FGF13: variants seen among roughly 807,000 people sequenced by gnomAD.
The protein encoded by FGF13 is fibroblast growth factor 13.
In FGF13, 2 loss-of-function variants were observed where a neutral mutation model predicts 19.5. The ratio of observed to expected loss-of-function variants is 0.10; its 90% CI spans 0.04 to 0.32. FGF13 has a LOEUF of 0.32. Ranked by LOEUF, FGF13 falls within the 10% of genes least tolerant of loss-of-function variation. FGF13 has a pLI of 1.00. For synonymous variants in FGF13, 72 were observed against 76.9 expected, an observed-to-expected ratio of 0.94 and a Z score of 0.33; for missense variants, 113 against 192.7, an observed-to-expected ratio of 0.59 and a Z score of 2.45.
intron 1 of FGF13, among the ~76,000 whole-genome samples, chrX:139,031,747 A>T (rs6634041): frequency 9.2e-6 from 1 of 108,589 alleles, no homozygotes; most frequent in South Asian, 4.0e-4. Flanking sequence ...ATGCTCCAGA[A>T]GTTTGTATGG....
intron 1 of FGF13, among the ~76,000 whole-genome samples, chrX:139,052,451 G>A (rs2092305608): frequency 9.0e-6 from 1 of 111,586 alleles, no homozygotes; most frequent in Admixed American, 9.5e-5. Context: ...ATCTTTTTAA[G>A]ATGAGGAAAC....
At chrX:139,005,443 G>T (rs2092097173) in intron 1 of FGF13, among the ~76,000 whole-genome samples, 1 of 110,427 alleles carries the variant, frequency 9.1e-6, no homozygotes, top group South Asian at 3.9e-4. Flanking sequence ...TACCAGGAAA[G>T]GCTTCTCAAG....
chrX:138,981,817 C>G (rs987538444), intron 1 of FGF13, among the ~76,000 whole-genome samples: 3 of 111,441 alleles, frequency 2.7e-5, no homozygotes, highest in African/African-American at 3.3e-5. Flanking sequence ...ATTTCTCTCT[C>G]TCTCCCACAT....
chrX:138,803,358 C>T (rs1404160615), intron 3 of FGF13, among the ~76,000 whole-genome samples: 3 of 112,222 alleles, frequency 2.7e-5, no homozygotes, highest in African/African-American at 9.7e-5. Flanking sequence ...AAGATCCCTT[C>T]CATTAGCTAA....
chrX:138,975,464 T>G (rs4520317), intron 1 of FGF13, among the ~76,000 whole-genome samples: 36,113 of 110,718 alleles, frequency 0.33, 5,472 homozygotes, highest in Middle Eastern at 0.5. Flanking sequence ...GATGGACATT[T>G]GGAACATGTA....
intron 3 of FGF13, among the ~76,000 whole-genome samples, chrX:138,807,288 A>G (rs1013899080): frequency 8.9e-6 from 1 of 112,098 alleles, no homozygotes; most frequent in African/African-American, 3.2e-5. Context: ...ACTATGTGAA[A>G]CTCAAGACAA....
Position 138,795,191 on chromosome X carries a change from C to T in FGF13, c.217+62321G>A, listed in dbSNP as rs147629832. 9.7e-4 allele frequency among the ~76,000 whole-genome samples: 108 copies of T among 111,910 alleles called. 3 individuals carry two copies. The East Asian group carries it at 0.026, about 27-fold the overall frequency. ...GATTCCCAAGTGCCTCTAGCTAACA[C>T]TCTTAACTCTTTATTGACCAGCTAA... On this transcript the variant is annotated intron_variant, in intron 3 of 6. Coordinates refer to the FGF13 transcript ENST00000436198.
chrX:138,658,476 G>T (rs1192745595), intron 3 of FGF13, among the ~76,000 whole-genome samples: 2 of 112,237 alleles, frequency 1.8e-5, no homozygotes, highest in Non-Finnish European at 3.8e-5. Flanking sequence ...TTTAGGCTAG[G>T]TATATAAGTC....
chrX:138,873,043 G>A (rs772062451), intron 1 of FGF13, among the ~76,000 whole-genome samples: 18 of 111,753 alleles, frequency 1.6e-4, no homozygotes, highest in African/African-American at 5.2e-4. Flanking sequence ...GAAAAAGAAC[G>A]TTTTGAGGTT....
chrX:138,677,394 TA>T (rs2089680541), intron 3 of FGF13, among the ~76,000 whole-genome samples: 2 of 109,209 alleles, frequency 1.8e-5, no homozygotes. Context: ...ACAGGCAACC[TA>T]CAAAATGGGA....
Position 138,629,438 on chromosome X carries a change from C to G in FGF13, c.*3412G>C, listed in dbSNP as rs1305971688. 9.0e-6 allele frequency: 1 copy of G among 111,377 alleles called. No individual in the cohort carries two copies. The highest frequency in any genetic ancestry group is 1.9e-5 in the Non-Finnish European group (1 of 53,101). 9.2% of individuals were successfully genotyped at this position (111,377 alleles called of 1,213,427 possible). ...AATCCCAATGTGTTGAGGGAGGGAC[C>G]TGGTGGGAGGTGATTGGATCCTCGG... On this transcript the variant is annotated 3_prime_UTR_variant, in exon 5 of 5. Transcript: ENST00000315930.
chrX:138,914,632 TGGAC>T (rs2091608523), intron 1 of FGF13, among the ~76,000 whole-genome samples: 1 of 73,886 alleles, frequency 1.4e-5, no homozygotes, highest in Non-Finnish European at 2.5e-5. Context: ...AAGCTTGTGT[TGGAC>T]TTTTTTTTTT....
intron 3 of FGF13, among the ~76,000 whole-genome samples, chrX:138,817,108 A>G (rs950787635): frequency 8.9e-6 from 1 of 112,323 alleles, no homozygotes; most frequent in Non-Finnish European, 1.9e-5. Context: ...GAGAATTTCA[A>G]CTGTGTGGAT....
intron 3 of FGF13, among the ~76,000 whole-genome samples, chrX:138,808,022 G>A (rs1349636556): frequency 1.8e-5 from 2 of 111,399 alleles, no homozygotes; most frequent in South Asian, 3.8e-4. Context: ...GTCAACATTA[G>A]ACAGATCAAC....
chrX:139,031,391 G>A (rs1167281146), intron 1 of FGF13, among the ~76,000 whole-genome samples: 1 of 110,729 alleles, frequency 9.0e-6, no homozygotes, highest in Non-Finnish European at 1.9e-5. Flanking sequence ...TCCACACAAG[G>A]CAGATTGTAT....
chrX:138,942,853 TTTTG>T (rs1289872080), intron 1 of FGF13, among the ~76,000 whole-genome samples: 7 of 111,711 alleles, frequency 6.3e-5, no homozygotes, highest in African/African-American at 2.3e-4. Flanking sequence ...TTGTTGTTTT[TTTTG>T]TTTGTTTGTT....
chrX:139,130,133 T>C (rs1603213293), intron 1 of FGF13, among the ~76,000 whole-genome samples: 1 of 112,358 alleles, frequency 8.9e-6, no homozygotes, highest in Non-Finnish European at 1.9e-5. Flanking sequence ...TATTCTTCTA[T>C]ACAAATTTTG....
At chrX:138,857,721 C>A in intron 2 of FGF13, 1 of 1,037,393 alleles carries the variant, frequency 9.6e-7, no homozygotes. Context: ...GTTAGAGCCT[C>A]AGAAAAGCAG....
chrX:138,996,956 C>T (rs2092045967), intron 1 of FGF13, among the ~76,000 whole-genome samples: 1 of 112,022 alleles, frequency 8.9e-6, no homozygotes, highest in Non-Finnish European at 1.9e-5. Flanking sequence ...GCGGGTGCCT[C>T]TCTGGGACAA....
Sources: allele counts gnomAD v4.1 joint callset (sites outside exome capture counted in the v4.1 genomes callset), GRCh38; gene constraint gnomAD v4.1.1; transcripts MANE v1.5; gene names NCBI Gene and HGNC (gene_info 2026-07-23, HGNC 2026-07-21).